The following IGDCC4 variants were observed in gnomAD, a reference collection of about 807,000 sequenced individuals.
The protein encoded by IGDCC4 is likely ortholog of mouse neighbor of Punc E11.
IGDCC4 carries 72 observed loss-of-function variants against 116.6 expected under a neutral mutation model. The observed-to-expected ratio is 0.62, with a 90% confidence interval of 0.51 to 0.75. The LOEUF (loss-of-function observed/expected upper bound fraction) is 0.75. IGDCC4 is among the 30% of genes least tolerant of loss of function. IGDCC4 has a pLI of 0.00. For synonymous variants in IGDCC4, 709 were observed against 719.9 expected (o/e 0.98, Z 0.24); for missense variants, 1,501 against 1,662.4 (o/e 0.90, Z 1.69).
At position 65,384,251 on chromosome 15, in the gene IGDCC4, C is replaced by T; in HGVS notation, c.3511G>A (p.Gly1171Arg). The change falls in exon 20 of 20, where the codon GGG (glycine) becomes AGG (arginine). Residue 1171 changes from glycine (G) to arginine (R), a missense_variant. Transcript: ENST00000352385. This position sits in a 1 kb window ranked among gnomAD's most constrained non-coding sequence, Gnocchi z 4.9. ...PEAPDLISGV[G>R]DPGQGAAWLD... ...CAGGCTGCCCCCTGCCCTGGATCCC[C>T]AACACCCGAGATGAGATCAGGAGCC... 2 of 1,601,214 alleles carry T rather than the reference C, an allele frequency of 1.2e-6. No homozygotes were observed. Among genetic ancestry groups the T allele is most frequent in the Non-Finnish European group, 1.7e-6 (2 of 1,171,616 alleles).
intron 6 of IGDCC4, chr15:65,396,453 T>G (rs66699194): frequency 0.18 from 97,996 of 551,484 alleles, 9,843 homozygotes; most frequent in East Asian, 0.45. Context: ...ACCCCACCCC[T>G]AAATTTACCC....
At chr15:65,395,298 C>T in intron 7 of IGDCC4, 40 bp from the exon 8 acceptor site, 1 of 1,581,714 alleles carries the variant, frequency 6.3e-7, no homozygotes, top group East Asian at 2.3e-5. Flanking sequence ...ATAGTGCCAC[C>T]CCCCCGTGCT....
chr15:65,401,127 T>A (rs2062981781), intron 4 of IGDCC4, among the ~76,000 whole-genome samples, 181 bp from the exon 5 acceptor site: 1 of 152,174 alleles, frequency 6.6e-6, no homozygotes, highest in South Asian at 2.1e-4. Flanking sequence ...CTGAGCTGTT[T>A]CTTTTAGAGC....
intron 2 of IGDCC4, 144 bp from the exon 3 acceptor site, chr15:65,410,463 G>A (rs1249648035): frequency 1.1e-6 from 1 of 926,108 alleles, no homozygotes; most frequent in Non-Finnish European, 1.6e-6. Flanking sequence ...CAGACCGAGG[G>A]AGACACAACA....
At chr15:65,396,216 G>GC (rs768179262) in intron 6 of IGDCC4, 53 bp from the exon 7 acceptor site, 33,028 of 1,164,466 alleles carry the variant, frequency 0.028, 62 homozygotes, top group South Asian at 0.034. Context: ...TAAGGTCTCT[G>GC]CCCCCCCCCC....
chr15:65,421,858 G>A (rs1392663418), intron 1 of IGDCC4, among the ~76,000 whole-genome samples: 1 of 151,962 alleles, frequency 6.6e-6, no homozygotes, highest in Non-Finnish European at 1.5e-5. Flanking sequence ...AGAGCTGTGG[G>A]TGGAAGCCGC....
intron 3 of IGDCC4, among the ~76,000 whole-genome samples, chr15:65,404,087 G>C (rs1336974653): frequency 6.6e-6 from 1 of 152,076 alleles, no homozygotes; most frequent in African/African-American, 2.4e-5. Context: ...TTAGCTCCTG[G>C]GGAAGTGGGG....
Position 65,381,764 on chromosome 15 carries a change from C to A in IGDCC4, c.*2245G>T, listed in dbSNP as rs544352192. 6.6e-6 allele frequency: 1 copy of A among 152,572 alleles called. No individual in the cohort carries two copies. The highest frequency in any genetic ancestry group is 2.1e-4 in the South Asian group (1 of 4,822). 9.5% of individuals were successfully genotyped at this position (152,572 alleles called of 1,614,324 possible). On this transcript the variant is annotated 3_prime_UTR_variant, in exon 20 of 20. Coordinates refer to ENST00000352385, the MANE Select transcript of IGDCC4 (RefSeq NM_020962.3). The stretch of plus-strand genomic sequence containing the variant: ...ATACCCTGTAAAAGGCCAATAGATT[C>A]TTTTCTAATAAAAATACTGCTACAA...
At position 65,422,910 on chromosome 15, in the gene IGDCC4, GGCC is replaced by G. The variant is rs1285007489; in HGVS notation, c.-51_-49del. 6.1e-6 allele frequency: 6 copies of G among 985,208 alleles called. No individual in the cohort carries two copies. In the African/African-American group the frequency reaches 1.1e-4, roughly 17 times the overall value. The allele number at this position is 985,208 out of a possible 1,614,324, so 61.0% of individuals were successfully genotyped here. A position where few individuals can be genotyped will look rare whatever the true frequency, so the allele number is the denominator to read the frequency against. ...CGCCGCCGCCGCCTCCCCGTGCTTC[GGCC>G]GCCGCCGCGGGGGGAGAGCGCGCCG... is the stretch of plus-strand genomic sequence containing the variant. On this transcript the variant is annotated 5_prime_UTR_variant, in exon 1 of 20. Transcript: ENST00000352385.
At position 65,402,529 on chromosome 15, in the gene IGDCC4, G is replaced by A. The variant is rs142523820; in HGVS notation, c.564-42C>T. ...CAGGCAACTGTGAGGTGGGCAGGGGGGCCACAGGGAGGGTGGCTCATGGTA... is the reference window on the plus strand; with the variant it reads ...CAGGCAACTGTGAGGTGGGCAGGGGAGCCACAGGGAGGGTGGCTCATGGTA... On this transcript the variant is annotated intron_variant, in intron 3 of 19. Coordinates refer to ENST00000352385, the MANE Select transcript of IGDCC4 (RefSeq NM_020962.3). 7.7e-5 allele frequency: 119 copies of A among 1,552,524 alleles called. No individual in the cohort carries two copies. The East Asian group carries it at 2.0e-3, about 26-fold the overall frequency.
chr15:65,404,612 A>G (rs1395269489), intron 3 of IGDCC4, among the ~76,000 whole-genome samples: 2 of 152,210 alleles, frequency 1.3e-5, no homozygotes, highest in Non-Finnish European at 2.9e-5. Flanking sequence ...TTGTGCTCCA[A>G]GTACTCAAGA....
intron 1 of IGDCC4, among the ~76,000 whole-genome samples, chr15:65,413,346 G>T (rs2063115756): frequency 6.6e-6 from 1 of 152,036 alleles, no homozygotes; most frequent in East Asian, 1.9e-4. Flanking sequence ...TTTCCCCAAG[G>T]CCATGCAGGA....
In IGDCC4 at chr15:65,410,875, G is replaced by A. The variant is rs969471383; in HGVS notation, c.421+145C>T. The A allele has an allele frequency of 4.5e-5, 28 of 628,460 alleles. No individual in the cohort carries two copies. The African/African-American group carries it at 4.8e-4, about 11-fold the overall frequency. The allele number at this position is 628,460 out of a possible 1,614,324, so 38.9% of individuals were successfully genotyped here. A position where few individuals can be genotyped will look rare whatever the true frequency, so the allele number is the denominator to read the frequency against. On this transcript the variant is annotated intron_variant, in intron 2 of 19. Coordinates refer to ENST00000352385, the MANE Select transcript of IGDCC4 (RefSeq NM_020962.3). ...ATGAGGATAGACAATACCAGGAAGA[G>A]ACCTATTGAGCAGGATGGGAGGCAG...
intron 3 of IGDCC4, among the ~76,000 whole-genome samples, chr15:65,405,129 T>TGGGG (rs35901531): frequency 4.0e-5 from 4 of 100,320 alleles, no homozygotes; most frequent in Admixed American, 1.2e-4. Flanking sequence ...TATTAGTTAG[T>TGGGG]GGGGGGGGGG....
chr15:65,388,906 G>A lies in IGDCC4; in HGVS notation c.2609C>T (p.Pro870Leu). 2 of 1,613,762 alleles carry A rather than the reference G, an allele frequency of 1.2e-6. No homozygotes were observed. Among genetic ancestry groups the A allele is most frequent in the Non-Finnish European group, 1.7e-6 (2 of 1,179,934 alleles). ...GATCTCCCCGTTGGGCTCTGTGGGG[G>A]GGCACCAGTGCAGCCGAACCGTGGA... is the stretch of plus-strand genomic sequence containing the variant. ...TPSTVRLHWCPPTEPNGEIVE... is the reference protein window; with the variant it reads ...TPSTVRLHWCLPTEPNGEIVE... Residue 870 changes from proline to leucine, a missense_variant, in exon 15 of 20, where the codon CCC becomes CTC. Coordinates refer to ENST00000352385, the MANE Select transcript of IGDCC4 (RefSeq NM_020962.3).
chr15:65,389,445 G>A lies in IGDCC4; in HGVS notation c.2409-34C>T, dbSNP rs763435953. On this transcript the variant is annotated intron_variant, in intron 13 of 19. Coordinates refer to ENST00000352385, the MANE Select transcript of IGDCC4 (RefSeq NM_020962.3). ...GCAAGAAACGTGACTAGTGCTCTCAGGCACACTCTCCCAGCAGGGCAGACT... is the reference window on the plus strand; with the variant it reads ...GCAAGAAACGTGACTAGTGCTCTCAAGCACACTCTCCCAGCAGGGCAGACT... 7 of 1,614,010 alleles carry A rather than the reference G, an allele frequency of 4.3e-6. No homozygotes were observed. The East Asian group carries it at 1.1e-4, about 26-fold the overall frequency.
intron 11 of IGDCC4, 44 bp downstream of exon 11, chr15:65,392,090 C>G (rs374435809): frequency 6.6e-7 from 1 of 1,509,772 alleles, no homozygotes; most frequent in Non-Finnish European, 9.0e-7. Context: ...CCAGTCCCCA[C>G]TGAAGCTACA....
At chr15:65,403,052 G>A (rs1256447515) in intron 3 of IGDCC4, among the ~76,000 whole-genome samples, 1 of 152,156 alleles carries the variant, frequency 6.6e-6, no homozygotes, top group Admixed American at 6.5e-5. Context: ...AACTTCTAGG[G>A]CTCTATCCCA....
chr15:65,410,362 A>G (rs1210005997), intron 2 of IGDCC4, 43 bp from the exon 3 acceptor site: 1 of 1,610,686 alleles, frequency 6.2e-7, no homozygotes, highest in Admixed American at 1.7e-5. Flanking sequence ...AAAGAATAGG[A>G]GAGAGAAGCC....
Sources: gnomAD v4.1 joint callset for allele counts (sites outside exome capture counted in the v4.1 genomes callset) on GRCh38, gnomAD v4.1.1 for gene constraint, Gnocchi (gnomAD v3.1) non-coding constraint, MANE v1.5 for transcripts, NCBI Gene and HGNC (gene_info 2026-07-23, HGNC 2026-07-21) for gene names.